The following TOP3B variants were observed in gnomAD, a reference collection of about 807,000 sequenced individuals.
TOP3B encodes DNA topoisomerase III beta, also known as DNA topoisomerase 3-beta-1.
Under a neutral mutation model 93.9 loss-of-function variants are expected in TOP3B, and 45 were observed. The ratio of observed to expected loss-of-function variants is 0.48; its 90% CI spans 0.38 to 0.61. The LOEUF (loss-of-function observed/expected upper bound fraction) is 0.61. TOP3B is among the 20% of genes least tolerant of loss of function. The probability of loss-of-function intolerance (pLI) is 0.00; values close to 1 mark genes in which losing one functional copy is unlikely to be tolerated. For missense variants in TOP3B, 750 were observed against 1,156.1 expected, an observed-to-expected ratio of 0.65 and a Z score of 5.09; for synonymous variants, 357 against 472.6, an observed-to-expected ratio of 0.76 and a Z score of 3.17.
rs952461058 is a variant in TOP3B, at chr22:21,975,726, A to G, written c.-17T>C. ...AGTCTTCATTTTGTCTCGGTCCTTC[A>G]CACTCCAGTTTCGGGGCACTGGCAA... On this transcript the variant is annotated 5_prime_UTR_variant, in exon 2 of 18. Coordinates refer to ENST00000357179, the MANE Select transcript of TOP3B (RefSeq NM_001282112.2). 7 of 1,601,108 alleles carry G rather than the reference A, an allele frequency of 4.4e-6. No individual in the cohort carries two copies. Among genetic ancestry groups the G allele is most frequent in the Admixed American group, 1.7e-5 (1 of 59,626 alleles).
chr22:21,963,086 CA>C lies in TOP3B; in HGVS notation c.1205-194del, dbSNP rs1294031264. On this transcript the variant is annotated intron_variant, in intron 11 of 17. Coordinates refer to ENST00000357179, the MANE Select transcript of TOP3B (RefSeq NM_001282112.2). The surrounding 1 kb of genome is among the most constrained non-coding windows in gnomAD (Gnocchi z 4.8). ...TGGTGGCTCATGCCTGTAATCCTAG[CA>C]CTCTGGGAGGCTAAGGTGGATGGAT... 10 of 634,376 alleles carry C rather than the reference CA, an allele frequency of 1.6e-5. No individual in the cohort carries two copies. Among genetic ancestry groups the C allele is most frequent in the Admixed American group, 2.8e-5 (1 of 35,474 alleles). 39.3% of individuals were successfully genotyped at this position (634,376 alleles called of 1,614,324 possible).
intron 3 of TOP3B, 40 bp from the exon 4 acceptor site, chr22:21,972,758 A>C: frequency 2.0e-5 from 30 of 1,520,888 alleles, no homozygotes; most frequent in Non-Finnish European, 2.3e-5. Flanking sequence ...ACAGGAGCTC[A>C]GCCTCCGAGA....
chr22:21,973,014 A>T (rs2071706996), intron 3 of TOP3B: 1 of 419,540 alleles, frequency 2.4e-6, no homozygotes, highest in Non-Finnish European at 4.4e-6. Flanking sequence ...CACTTCCGGG[A>T]CTTTCCCTGT....
chr22:21,958,902 G>A lies in TOP3B; in HGVS notation c.1906-209C>T, dbSNP rs1904711554. ...CTGTGTGTACATTAATGCCCATGAT[G>A]GCAAGTGGCATGGTGTTAGGGAAAA... On this transcript the variant is annotated intron_variant, in intron 16 of 17. Coordinates refer to ENST00000357179, the MANE Select transcript of TOP3B (RefSeq NM_001282112.2). The A allele has an allele frequency of 2.9e-6, 3 of 1,046,890 alleles. No individual in the cohort carries two copies. The Middle Eastern group carries it at 8.7e-4, about 303-fold the overall frequency. The allele number at this position is 1,046,890 out of a possible 1,614,324, so 64.9% of individuals were successfully genotyped here.
At chr22:21,962,711 A>C in intron 12 of TOP3B, 36 bp downstream of exon 12, 1 of 1,612,428 alleles carries the variant, frequency 6.2e-7, no homozygotes, top group Non-Finnish European at 8.5e-7. Flanking sequence ...CTGCCCATGA[A>C]GGCACAGAGG....
In TOP3B at chr22:21,975,835, A is replaced by G. The variant is rs527717621; in HGVS notation, c.-98-28T>C. On this transcript the variant is annotated intron_variant, in intron 1 of 17. Coordinates refer to ENST00000357179, the MANE Select transcript of TOP3B (RefSeq NM_001282112.2). ...AAAGAGAAGAAAAGACACTCAGGAT[A>G]GCAATGCTGTCAATAGAACCTACAC... The G allele has an allele frequency of 8.7e-4, 1,137 of 1,310,434 alleles. 1 individual carries two copies. The highest frequency in any genetic ancestry group is 1.0e-3 in the Non-Finnish European group (1,021 of 1,018,170). 81.2% of individuals were successfully genotyped at this position (1,310,434 alleles called of 1,614,324 possible). A position where few individuals can be genotyped will look rare whatever the true frequency, so the allele number is the denominator to read the frequency against.
chr22:21,965,235 A>ACCTG, intron 9 of TOP3B, 50 bp downstream of exon 9: 1 of 1,437,940 alleles, frequency 7.0e-7, no homozygotes, highest in Middle Eastern at 1.8e-4. Flanking sequence ...TCCAGGCTGA[A>ACCTG]CCTGCCTCAG....
chr22:21,971,153 G>T lies in TOP3B; in HGVS notation c.384+724C>A, dbSNP rs2071622015. On this transcript the variant is annotated intron_variant, in intron 5 of 17. Coordinates refer to ENST00000357179, the MANE Select transcript of TOP3B (RefSeq NM_001282112.2). The surrounding 1 kb of genome is among the most constrained non-coding windows in gnomAD (Gnocchi z 4.6). ...GAGCCGCCCTGCAGGGGAGGAGAGGGTATCTGGGAAGAGACAGAGTGTGAT... is the reference window on the plus strand; with the variant it reads ...GAGCCGCCCTGCAGGGGAGGAGAGGTTATCTGGGAAGAGACAGAGTGTGAT... The T allele has an allele frequency of 3.6e-6, 3 of 834,848 alleles. No homozygotes were observed. The highest frequency in any genetic ancestry group is 5.2e-6 in the Non-Finnish European group (3 of 581,844). 51.7% of individuals were successfully genotyped at this position (834,848 alleles called of 1,614,324 possible).
chr22:21,982,676 G>A (rs2084659768), intron 1 of TOP3B, 54 bp downstream of exon 1: 1 of 152,250 alleles, frequency 6.6e-6, no homozygotes, highest in Admixed American at 6.5e-5. Flanking sequence ...AAAAATGCGT[G>A]CGCTTCCCGC....
intron 1 of TOP3B, chr22:21,977,059 T>C (rs1436882937): frequency 6.6e-6 from 1 of 152,170 alleles, no homozygotes; most frequent in African/African-American, 2.4e-5. Context: ...GCCTATAGTG[T>C]CAGCCACTCA....
chr22:21,960,696 C>G, intron 13 of TOP3B: 1 of 519,716 alleles, frequency 1.9e-6, no homozygotes, highest in East Asian at 3.3e-5. Flanking sequence ...TGCTTTATGG[C>G]AGAGACAACA....
intron 13 of TOP3B, chr22:21,961,764 C>G (rs1177376477): frequency 6.3e-6 from 1 of 158,498 alleles, no homozygotes; most frequent in African/African-American, 2.4e-5. Flanking sequence ...GGTAGTGCCC[C>G]AGGGAACAGG....
At chr22:21,959,394 T>A (rs1470510978) in intron 15 of TOP3B, 162 bp from the exon 16 acceptor site, 1 of 1,483,992 alleles carries the variant, frequency 6.7e-7, no homozygotes, top group Non-Finnish European at 8.9e-7. Context: ...CAGAGGCACG[T>A]GTTCCTGGCC....
At chr22:21,981,506 G>T (rs1032457532) in intron 1 of TOP3B, among the ~76,000 whole-genome samples, 1 of 152,176 alleles carries the variant, frequency 6.6e-6, no homozygotes, top group Non-Finnish European at 1.5e-5. Flanking sequence ...GAGAACACGG[G>T]TTTTGCTTTG....
rs184458031 is a variant in TOP3B at position 21,963,452 on chromosome 22, T to C, written c.1204+471A>G. On this transcript the variant is annotated intron_variant, in intron 11 of 17. Transcript: ENST00000357179. This position sits in a 1 kb window ranked among gnomAD's most constrained non-coding sequence, Gnocchi z 4.8. ...CTGCACAACCTCCTGTCCCTGCTTC[T>C]GGCGGGACTGCTCTTCAGGCATTGG... The C allele has an allele frequency of 1.0e-3, 182 of 177,386 alleles. No homozygotes were observed. The highest frequency in any genetic ancestry group is 4.0e-3 in the African/African-American group (168 of 41,930). The allele number at this position is 177,386 out of a possible 1,614,324, so 11.0% of individuals were successfully genotyped here.
chr22:21,977,374 C>G (rs9607467), intron 1 of TOP3B: 15,766 of 151,640 alleles, frequency 0.1, 889 homozygotes, highest in Non-Finnish European at 0.12. Context: ...AATAAAAATA[C>G]AAAAATTAGC....
At chr22:21,958,992 AT>A in intron 16 of TOP3B, 139 bp downstream of exon 16, 2 of 1,305,746 alleles carry the variant, frequency 1.5e-6, no homozygotes, top group Non-Finnish European at 2.1e-6. Flanking sequence ...GACACTGGGT[AT>A]TTTTTGGCAA....
rs952053394 is a variant in TOP3B, at chr22:21,971,027, C to A, written c.385-621G>T. 4 of 1,301,696 alleles carry A rather than the reference C, an allele frequency of 3.1e-6. No individual in the cohort carries two copies. Among genetic ancestry groups the A allele is most frequent in the East Asian group, 1.1e-4 (2 of 17,930 alleles). 80.6% of individuals were successfully genotyped at this position (1,301,696 alleles called of 1,614,324 possible). On this transcript the variant is annotated intron_variant, in intron 5 of 17. Transcript: ENST00000357179. This position sits in a 1 kb window ranked among gnomAD's most constrained non-coding sequence, Gnocchi z 4.6. ...TAGGGTCGCCGCCGGAGCCTGGCCACGCAGCTTCCTTACTGGGAATAAGTG... is the reference window on the plus strand; with the variant it reads ...TAGGGTCGCCGCCGGAGCCTGGCCAAGCAGCTTCCTTACTGGGAATAAGTG...
rs908762298 is a variant in TOP3B at position 21,963,103 on chromosome 22, G to A, written c.1205-210C>T. On this transcript the variant is annotated intron_variant, in intron 11 of 17. Transcript: ENST00000357179. This position sits in a 1 kb window ranked among gnomAD's most constrained non-coding sequence, Gnocchi z 4.8. ...AATCCTAGCACTCTGGGAGGCTAAG[G>A]TGGATGGATCACTTGAGGTCAGGAG... 1.2e-5 allele frequency: 7 copies of A among 571,298 alleles called. No homozygotes were observed. The highest frequency in any genetic ancestry group is 1.9e-5 in the African/African-American group (1 of 53,014). 35.4% of individuals were successfully genotyped at this position (571,298 alleles called of 1,614,324 possible).
Sources: allele counts gnomAD v4.1 joint callset (sites outside exome capture counted in the v4.1 genomes callset), GRCh38; gene constraint gnomAD v4.1.1; non-coding constraint Gnocchi (gnomAD v3.1); transcripts MANE v1.5; gene names NCBI Gene and HGNC (gene_info 2026-07-23, HGNC 2026-07-21).